PAFAH1B1: variants seen among roughly 807,000 people sequenced by gnomAD.
PAFAH1B1 encodes platelet activating factor acetylhydrolase 1b regulatory subunit 1.
A neutral mutation model predicts 57.5 loss-of-function variants in PAFAH1B1; 2 were observed. The observed-to-expected ratio is 0.03, with a 90% CI of 0.01 to 0.11. The LOEUF (loss-of-function observed/expected upper bound fraction) is 0.11, where lower values mean the gene tolerates loss of function less well. Among genes scored for constraint, PAFAH1B1 ranks in the 10% least tolerant of loss-of-function variants. The probability of loss-of-function intolerance (pLI) is 1.00; values close to 1 mark genes in which losing one functional copy is unlikely to be tolerated. For missense variants in PAFAH1B1, 257 were observed against 512.0 expected (o/e 0.50, Z 4.81); for synonymous variants, 152 against 169.6 (o/e 0.90, Z 0.81).
chr17:2,647,210 C>T (rs963199462), intron 2 of PAFAH1B1, among the ~76,000 whole-genome samples: 7 of 152,028 alleles, frequency 4.6e-5, no homozygotes, highest in South Asian at 4.2e-4. Context: ...ATTAGCTGGG[C>T]GTCGTGGTGC....
At position 2,629,253 on chromosome 17, in the gene PAFAH1B1, AC is replaced by A. The variant is rs2068528375; in HGVS notation, c.-190-8845del. On this transcript the variant is annotated intron_variant, in intron 1 of 10. Transcript: ENST00000397195. ...TAGGGCTATGAACTTTCCTCTTAGC[AC>A]TGCGTTTGCTGTATCCCAGAGGTTT... is the stretch of plus-strand genomic sequence containing the variant. Among the ~76,000 whole-genome samples, 3 of 152,090 alleles carry A rather than the reference AC, an allele frequency of 2.0e-5. No individual in the cohort carries two copies. In the South Asian group the frequency reaches 6.2e-4, roughly 31 times the overall value.
At chr17:2,646,639 C>G (rs2068773318) in intron 2 of PAFAH1B1, among the ~76,000 whole-genome samples, 1 of 152,058 alleles carries the variant, frequency 6.6e-6, no homozygotes, top group African/African-American at 2.4e-5. Flanking sequence ...GAGTGAGACT[C>G]TGTCTCAAAA....
intron 2 of PAFAH1B1, chr17:2,640,702 C>CA (rs1439090826): frequency 6.6e-6 from 1 of 152,036 alleles, no homozygotes; most frequent in African/African-American, 2.4e-5. Flanking sequence ...CTGTCCACCT[C>CA]AGCCTCCCAA....
intron 1 of PAFAH1B1, among the ~76,000 whole-genome samples, chr17:2,624,108 A>C (rs1029342870): frequency 6.6e-6 from 1 of 152,202 alleles, no homozygotes; most frequent in Non-Finnish European, 1.5e-5. Flanking sequence ...TCTTTGCTAA[A>C]ACATAATAAG....
chr17:2,604,337 T>C (rs2068180800), intron 1 of PAFAH1B1, among the ~76,000 whole-genome samples: 2 of 152,090 alleles, frequency 1.3e-5, no homozygotes, highest in Admixed American at 6.6e-5. Context: ...CGCACCCTGC[T>C]GAGATTCTTA....
At chr17:2,643,532 A>G (rs2068723942) in intron 2 of PAFAH1B1, among the ~76,000 whole-genome samples, 1 of 149,794 alleles carries the variant, frequency 6.7e-6, no homozygotes, top group African/African-American at 2.5e-5. Flanking sequence ...CTGGGATTAC[A>G]AGTGTGAGCC....
chr17:2,606,810 C>CTTTTTTTTTT lies in PAFAH1B1; in HGVS notation c.-191+12822_-191+12831dup. Among the ~76,000 whole-genome samples the CTTTTTTTTTT allele has an allele frequency of 2.0e-5, 2 of 101,714 alleles. 1 individual carries two copies. The highest frequency in any genetic ancestry group is 4.0e-5 in the Non-Finnish European group (2 of 50,330). 66.7% of individuals were successfully genotyped at this position (101,714 alleles called of 152,430 possible). A position where few individuals can be genotyped will look rare whatever the true frequency, so the allele number is the denominator to read the frequency against. On this transcript the variant is annotated intron_variant, in intron 1 of 10. Coordinates refer to ENST00000397195, the MANE Select transcript of PAFAH1B1 (RefSeq NM_000430.4). ...ACATTTTGTCATATTTGCCTCAGAG[C>CTTTTTTTTTT]TTTTTTTTTTTTTTTTTTTTTTTTT...
intron 2 of PAFAH1B1, among the ~76,000 whole-genome samples, chr17:2,654,742 A>G (rs1017988854): frequency 7.2e-5 from 11 of 151,932 alleles, no homozygotes; most frequent in African/African-American, 2.7e-4. Context: ...CCCGGGCTCA[A>G]ACCATCCTCT....
At chr17:2,620,902 A>G (rs2068412836) in intron 1 of PAFAH1B1, among the ~76,000 whole-genome samples, 1 of 152,172 alleles carries the variant, frequency 6.6e-6, no homozygotes, top group African/African-American at 2.4e-5. Flanking sequence ...TGAAATTCAG[A>G]TTTTAATTCA....
chr17:2,639,045 G>A (rs1441744806), intron 2 of PAFAH1B1, among the ~76,000 whole-genome samples: 1 of 151,966 alleles, frequency 6.6e-6, no homozygotes, highest in African/African-American at 2.4e-5. Context: ...GACTACAGGT[G>A]ACCGTCAACA....
intron 1 of PAFAH1B1, among the ~76,000 whole-genome samples, chr17:2,603,534 T>C (rs1240517755): frequency 6.6e-6 from 1 of 151,900 alleles, no homozygotes; most frequent in Admixed American, 6.6e-5. Flanking sequence ...GGCAGGAGAA[T>C]TGCTTGAACC....
chr17:2,641,631 C>T (rs1335305195), intron 2 of PAFAH1B1: 1 of 152,134 alleles, frequency 6.6e-6, no homozygotes. Flanking sequence ...TCCTTACTTT[C>T]TAGAATAACA....
At chr17:2,613,844 C>A in intron 1 of PAFAH1B1, 1 of 253,286 alleles carries the variant, frequency 3.9e-6, no homozygotes, top group South Asian at 5.5e-5. Context: ...GAATCCGTAG[C>A]CTGGGATCTG....
chr17:2,642,923 C>T (rs1193300513), intron 2 of PAFAH1B1, among the ~76,000 whole-genome samples: 1 of 151,890 alleles, frequency 6.6e-6, no homozygotes, highest in Non-Finnish European at 1.5e-5. Context: ...AAACATGTAC[C>T]CAGAAGTGTT....
chr17:2,648,219 G>C (rs1479712364), intron 2 of PAFAH1B1, among the ~76,000 whole-genome samples: 1 of 152,100 alleles, frequency 6.6e-6, no homozygotes, highest in Non-Finnish European at 1.5e-5. Context: ...CATGAGAACA[G>C]CATGGGGGAA....
chr17:2,619,408 TTTTTGGTAGAGACTGGG>T (rs2068390279), intron 1 of PAFAH1B1, among the ~76,000 whole-genome samples: 1 of 152,146 alleles, frequency 6.6e-6, no homozygotes, highest in African/African-American at 2.4e-5. Flanking sequence ...AAAAAAAATT[TTTTTGGTAGAGACTGGG>T]TTTCACTGTG....
intron 2 of PAFAH1B1, among the ~76,000 whole-genome samples, chr17:2,647,444 T>C (rs2068784005): frequency 1.3e-5 from 2 of 151,860 alleles, no homozygotes; most frequent in Admixed American, 6.6e-5. Flanking sequence ...GGCTGAGGCG[T>C]GAGAATCACT....
chr17:2,659,946 A>C (rs2068992882), intron 2 of PAFAH1B1, among the ~76,000 whole-genome samples: 1 of 152,206 alleles, frequency 6.6e-6, no homozygotes, highest in Admixed American at 6.5e-5. Context: ...AATTTTAATC[A>C]CATTCTCTCC....
intron 2 of PAFAH1B1, chr17:2,639,856 A>G (rs972329445): frequency 2.0e-5 from 3 of 152,172 alleles, no homozygotes; most frequent in African/African-American, 7.2e-5. Context: ...TTGGCCTCCC[A>G]AAGTGCTGGG....
Sources: allele counts gnomAD v4.1 joint callset (sites outside exome capture counted in the v4.1 genomes callset), GRCh38; gene constraint gnomAD v4.1.1; transcripts MANE v1.5; gene names NCBI Gene and HGNC (gene_info 2026-07-23, HGNC 2026-07-21).